MYO3B: variants seen among roughly 807,000 people sequenced by gnomAD.
MYO3B encodes the protein myosin-IIIb.
MYO3B carries 156 observed loss-of-function variants against 174.6 expected under a neutral mutation model. The ratio of observed to expected loss-of-function variants is 0.89; its 90% CI spans 0.78 to 1.02. The LOEUF (loss-of-function observed/expected upper bound fraction) is 1.02, where lower values mean the gene tolerates loss of function less well. Among genes scored for constraint, MYO3B ranks in the 50% least tolerant of loss-of-function variants. The probability of loss-of-function intolerance (pLI) is 0.00; values close to 1 mark genes in which losing one functional copy is unlikely to be tolerated. For synonymous variants in MYO3B, 563 were observed against 569.1 expected (o/e 0.99, Z 0.15); for missense variants, 1,632 against 1,639.4 (o/e 1.00, Z 0.08).
intron 31 of MYO3B, 116 bp downstream of exon 31, chr2:170,543,082 G>A (rs1273202674): frequency 2.6e-6 from 2 of 778,300 alleles, no homozygotes; most frequent in Admixed American, 2.5e-5. Flanking sequence ...ACTTGAAACT[G>A]TTAGTGATAT....
chr2:170,524,543 G>C lies in MYO3B; in HGVS notation c.3575+5003G>C, dbSNP rs114765110. The C allele has an allele frequency of 1.8e-3, 816 of 443,650 alleles. 6 individuals carry two copies. The highest frequency in any genetic ancestry group is 1.0e-2 in the African/African-American group (493 of 49,362). The allele number at this position is 443,650 out of a possible 1,614,324, so 27.5% of individuals were successfully genotyped here. A position where few individuals can be genotyped will look rare whatever the true frequency, so the allele number is the denominator to read the frequency against. On this transcript the variant is annotated intron_variant, in intron 30 of 34. Transcript: ENST00000408978. ...CTGTTGCTCAGGCTGGAGTGCAATA[G>C]CATGATCTCAGCTGACTGCAACCTC...
At chr2:170,496,184 G>T (rs1686846252) in intron 25 of MYO3B, among the ~76,000 whole-genome samples, 1 of 152,196 alleles carries the variant, frequency 6.6e-6, no homozygotes, top group Non-Finnish European at 1.5e-5. Flanking sequence ...AACAGCCCCA[G>T]GGTTTCTGAA....
intron 16 of MYO3B, among the ~76,000 whole-genome samples, chr2:170,398,941 G>T (rs528370029): frequency 6.6e-6 from 1 of 152,158 alleles, no homozygotes; most frequent in East Asian, 1.9e-4. Context: ...GTTCCAACCT[G>T]TGTTGTTTAA....
chr2:170,602,347 G>A (rs931468367), intron 32 of MYO3B: 27 of 646,244 alleles, frequency 4.2e-5, no homozygotes, highest in Admixed American at 9.8e-5. Flanking sequence ...AGTGGGAGCC[G>A]GGCATAGCCT....
rs145332824 is a variant in MYO3B at position 170,532,632 on chromosome 2, G to A, written c.3576-10274G>A. ...GTTCGAGACCAGCCTGACCAACATC[G>A]TGAAACCCCATCTCTACTAAAACTA... On this transcript the variant is annotated intron_variant, in intron 30 of 34. Transcript: ENST00000408978. Among the ~76,000 whole-genome samples, 3,304 of 151,962 alleles carry A rather than the reference G, an allele frequency of 0.022. 444 individuals carry two copies. The East Asian group carries it at 0.4, about 18-fold the overall frequency.
rs1423331997 is a variant in MYO3B, at chr2:170,585,341, G to C, written c.3733+41353G>C. ...CCAAGAAGAGTTTCAGGAGTCACTT[G>C]AGCATGTCTTCATTTTATGCAGTTG... On this transcript the variant is annotated intron_variant, in intron 32 of 34. Coordinates refer to ENST00000408978, the MANE Select transcript of MYO3B (RefSeq NM_138995.5). 2.6e-5 allele frequency among the ~76,000 whole-genome samples: 4 copies of C among 151,884 alleles called. No individual in the cohort carries two copies. The East Asian group carries it at 5.8e-4, about 22-fold the overall frequency.
At chr2:170,401,441 G>T (rs766892115) in intron 17 of MYO3B, 40 bp from the exon 18 acceptor site, 2 of 1,565,962 alleles carry the variant, frequency 1.3e-6, no homozygotes, top group African/African-American at 1.4e-5. Flanking sequence ...CTGAATGAAG[G>T]TCTGGCTACA....
chr2:170,482,416 G>A (rs916125399), intron 25 of MYO3B, among the ~76,000 whole-genome samples: 7 of 152,142 alleles, frequency 4.6e-5, no homozygotes, highest in Non-Finnish European at 8.8e-5. Flanking sequence ...TGGCCTCCCA[G>A]AGTGCTGGGA....
intron 22 of MYO3B, among the ~76,000 whole-genome samples, chr2:170,430,610 T>C (rs1280721260): frequency 1.3e-5 from 2 of 152,164 alleles, no homozygotes; most frequent in South Asian, 2.1e-4. Context: ...AACCTCATGA[T>C]CTGCCTGCCT....
At chr2:170,612,435 T>C (rs1259519843) in intron 32 of MYO3B, among the ~76,000 whole-genome samples, 1 of 152,196 alleles carries the variant, frequency 6.6e-6, no homozygotes, top group Non-Finnish European at 1.5e-5. Flanking sequence ...ACATTCTATA[T>C]GCCACTCTTA....
chr2:170,273,085 A>G (rs1293058462), intron 7 of MYO3B, among the ~76,000 whole-genome samples: 2 of 151,988 alleles, frequency 1.3e-5, no homozygotes. Context: ...GCCATTTGAG[A>G]CTTAAGATCA....
At chr2:170,404,906 C>T (rs2094500850) in intron 20 of MYO3B, among the ~76,000 whole-genome samples, 1 of 152,184 alleles carries the variant, frequency 6.6e-6, no homozygotes. Flanking sequence ...TATAGGGCAC[C>T]TCGTCCTGAC....
intron 19 of MYO3B, 47 bp from the exon 20 acceptor site, chr2:170,404,200 C>T: frequency 6.5e-7 from 1 of 1,546,478 alleles, no homozygotes; most frequent in Non-Finnish European, 8.7e-7. Context: ...CTGGTGGTCC[C>T]AAGGCTAGTT....
rs370228447 is a variant in MYO3B, at chr2:170,402,867, A to C, written c.2149A>C (p.Asn717His). The change falls in exon 19 of 35, where the codon AAT becomes CAT. Residue 717 changes from asparagine (N) to histidine (H), a missense_variant. By Grantham distance (68) the Asn-to-His change is moderately conservative (BLOSUM62 1). Transcript: ENST00000408978. ...ATGCAGTAGTGCAGGAGGTGGAATG[A>C]ATGTGGGGATCTTGGATATCTTTGG... ...ENICSAGGGM[N>H]VGILDIFGFE... 6 of 1,611,834 alleles carry C rather than the reference A, an allele frequency of 3.7e-6. No homozygotes were observed. The Admixed American group carries it at 6.7e-5, about 18-fold the overall frequency.
At chr2:170,648,358 G>A (rs961061979) in intron 32 of MYO3B, among the ~76,000 whole-genome samples, 2 of 151,996 alleles carry the variant, frequency 1.3e-5, no homozygotes, top group African/African-American at 4.8e-5. Flanking sequence ...GGCCAGACAT[G>A]GTGGCTCATG....
Position 170,370,914 on chromosome 2 carries a change from T to C in MYO3B, c.971+1537T>C, listed in dbSNP as rs142192528. Among the ~76,000 whole-genome samples the C allele has an allele frequency of 2.0e-5, 3 of 152,100 alleles. No individual in the cohort carries two copies. The East Asian group carries it at 5.8e-4, about 29-fold the overall frequency. On this transcript the variant is annotated intron_variant, in intron 9 of 34. Coordinates refer to ENST00000408978, the MANE Select transcript of MYO3B (RefSeq NM_138995.5). ...TCTCTCTCTCTCTTTTTTTTTCTTT[T>C]TTTTTCAAAAAGAAAAAGAACAGGC...
At chr2:170,499,982 C>T (rs6737166) in intron 27 of MYO3B, among the ~76,000 whole-genome samples, 174 bp downstream of exon 27, 1 of 150,100 alleles carries the variant, frequency 6.7e-6, no homozygotes, top group African/African-American at 2.5e-5. Context: ...TTCCTTCCTT[C>T]CTTTAGCAAA....
chr2:170,466,448 G>T, intron 24 of MYO3B, 58 bp from the exon 25 acceptor site: 4 of 1,537,782 alleles, frequency 2.6e-6, no homozygotes, highest in South Asian at 2.3e-5. Flanking sequence ...GGCCTGTGTT[G>T]TAACTATCCA....
intron 6 of MYO3B, among the ~76,000 whole-genome samples, chr2:170,233,599 AC>A (rs1384577256): frequency 6.6e-6 from 1 of 152,204 alleles, no homozygotes; most frequent in Non-Finnish European, 1.5e-5. Context: ...GTTTGAATGT[AC>A]ATTTGAAAAT....
Sources: allele counts gnomAD v4.1 joint callset (sites outside exome capture counted in the v4.1 genomes callset), GRCh38; gene constraint gnomAD v4.1.1; transcripts MANE v1.5; gene names NCBI Gene and HGNC (gene_info 2026-07-23, HGNC 2026-07-21).